The following GPC5 variants were observed in gnomAD, a reference collection of about 807,000 sequenced individuals.
GPC5 encodes glypican-5.
A neutral mutation model predicts 53.9 loss-of-function variants in GPC5; 47 were observed. The ratio of observed to expected loss-of-function variants is 0.87; its 90% CI spans 0.69 to 1.11. The LOEUF is 1.11. Ranked by LOEUF, GPC5 falls within the 50% of genes most tolerant of loss-of-function variation. GPC5 has a pLI of 0.00. For synonymous variants in GPC5, 286 were observed against 263.3 expected (o/e 1.09, Z -0.84); for missense variants, 748 against 713.1 (o/e 1.05, Z -0.56).
At chr13:92,408,683 A>G (rs898660505) in intron 7 of GPC5, among the ~76,000 whole-genome samples, 1 of 152,040 alleles carries the variant, frequency 6.6e-6, no homozygotes, top group Non-Finnish European at 1.5e-5. Context: ...ATGTATTTAT[A>G]TATACATGCA....
intron 7 of GPC5, among the ~76,000 whole-genome samples, chr13:92,267,072 CCTTT>C (rs1392874220): frequency 6.6e-6 from 1 of 151,774 alleles, no homozygotes; most frequent in African/African-American, 2.4e-5. Context: ...AATTTTGCTT[CCTTT>C]CTTCTGCACA....
intron 6 of GPC5, among the ~76,000 whole-genome samples, chr13:91,978,242 T>A (rs113690389): frequency 0.024 from 3,607 of 152,326 alleles, 143 homozygotes; most frequent in African/African-American, 0.082. Context: ...ATCAGCATGT[T>A]CGGATTACTG....
chr13:91,655,688 A>AT (rs1047476138), intron 2 of GPC5, among the ~76,000 whole-genome samples: 19 of 152,118 alleles, frequency 1.2e-4, no homozygotes, highest in African/African-American at 4.6e-4. Flanking sequence ...CGATAAGAAT[A>AT]TTACTAAGGA....
intron 2 of GPC5, among the ~76,000 whole-genome samples, chr13:91,663,055 G>T (rs1466944384): frequency 6.6e-6 from 1 of 152,194 alleles, no homozygotes; most frequent in Admixed American, 6.5e-5. Flanking sequence ...CTAAGAGGTT[G>T]TGGGGAGGAG....
chr13:92,387,340 A>C (rs765713675), intron 7 of GPC5, among the ~76,000 whole-genome samples: 1 of 152,148 alleles, frequency 6.6e-6, no homozygotes. Context: ...AGGCTAAACT[A>C]TCATGTTGCG....
intron 3 of GPC5, among the ~76,000 whole-genome samples, chr13:91,708,726 A>G (rs115433241): frequency 6.6e-6 from 1 of 152,320 alleles, no homozygotes; most frequent in East Asian, 1.9e-4. Flanking sequence ...TACAATGTAT[A>G]CTTTTGAAAA....
chr13:92,408,554 A>T (rs1875895912), intron 7 of GPC5, among the ~76,000 whole-genome samples: 2 of 151,944 alleles, frequency 1.3e-5, no homozygotes, highest in African/African-American at 4.8e-5. Flanking sequence ...ATGGCATCTT[A>T]GGCCTAGGGA....
chr13:91,782,613 G>T (rs1043207815), intron 5 of GPC5, among the ~76,000 whole-genome samples: 11 of 152,172 alleles, frequency 7.2e-5, no homozygotes, highest in African/African-American at 2.7e-4. Context: ...TACAATTCGA[G>T]ATGAGATTTG....
intron 6 of GPC5, among the ~76,000 whole-genome samples, chr13:92,135,390 A>G (rs950999793): frequency 6.6e-6 from 1 of 152,134 alleles, no homozygotes. Context: ...TTCAATTGTA[A>G]TATTTCACTT....
intron 6 of GPC5, among the ~76,000 whole-genome samples, chr13:91,915,153 G>T (rs538655734): frequency 6.6e-6 from 1 of 152,238 alleles, no homozygotes; most frequent in South Asian, 2.1e-4. Context: ...TCTTGATTTT[G>T]AATTAGCAAT....
At chr13:92,216,000 C>T (rs933574593) in intron 7 of GPC5, among the ~76,000 whole-genome samples, 1 of 152,076 alleles carries the variant, frequency 6.6e-6, no homozygotes, top group East Asian at 1.9e-4. Flanking sequence ...GTTTGGATGC[C>T]CTTCCTCCCA....
chr13:92,697,389 A>T (rs1467895778), intron 7 of GPC5, among the ~76,000 whole-genome samples: 1 of 152,086 alleles, frequency 6.6e-6, no homozygotes, highest in Admixed American at 6.6e-5. Flanking sequence ...AGTGGTTTGT[A>T]GTTCTCCTTG....
chr13:91,970,679 T>C (rs898808394), intron 6 of GPC5, among the ~76,000 whole-genome samples: 3 of 151,396 alleles, frequency 2.0e-5, no homozygotes, highest in Admixed American at 6.6e-5. Context: ...GCATGAAGGG[T>C]TGTTGAATTT....
chr13:92,574,570 A>G (rs1329238790), intron 7 of GPC5, among the ~76,000 whole-genome samples: 1 of 152,040 alleles, frequency 6.6e-6, no homozygotes, highest in Non-Finnish European at 1.5e-5. Flanking sequence ...ATGATCTTTG[A>G]TTCTCTATTT....
At chr13:92,771,639 C>T (rs903601401) in intron 7 of GPC5, among the ~76,000 whole-genome samples, 5 of 151,934 alleles carry the variant, frequency 3.3e-5, no homozygotes, top group African/African-American at 7.3e-5. Context: ...CACTGTGCCC[C>T]GCCCTTATCC....
At chr13:91,933,143 C>T (rs534298384) in intron 6 of GPC5, among the ~76,000 whole-genome samples, 8 of 151,936 alleles carry the variant, frequency 5.3e-5, no homozygotes, top group African/African-American at 1.9e-4. Flanking sequence ...ACGGTCAAAT[C>T]CAGATGGATT....
At chr13:92,548,746 G>C (rs1024262468) in intron 7 of GPC5, among the ~76,000 whole-genome samples, 8 of 151,882 alleles carry the variant, frequency 5.3e-5, no homozygotes, top group Admixed American at 2.6e-4. Context: ...ACTTTTCCCA[G>C]AACTCCTATT....
At chr13:92,679,364 C>T (rs1434873015) in intron 7 of GPC5, among the ~76,000 whole-genome samples, 6 of 152,078 alleles carry the variant, frequency 3.9e-5, no homozygotes, top group African/African-American at 1.4e-4. Flanking sequence ...TCCAAAATAT[C>T]AAAATAAGAC....
intron 2 of GPC5, among the ~76,000 whole-genome samples, chr13:91,641,692 C>T (rs1033654124): frequency 2.0e-5 from 3 of 152,224 alleles, no homozygotes; most frequent in Non-Finnish European, 4.4e-5. Flanking sequence ...AACATCAACA[C>T]TATTCACCCA....
Sources: gnomAD v4.1 joint callset for allele counts (sites outside exome capture counted in the v4.1 genomes callset) on GRCh38, gnomAD v4.1.1 for gene constraint, MANE v1.5 for transcripts, NCBI Gene and HGNC (gene_info 2026-07-23, HGNC 2026-07-21) for gene names.